Variants in HTRA1 observed in about 807,000 individuals in gnomAD.
The protein encoded by HTRA1 is serine protease HTRA1.
In HTRA1, 26 loss-of-function variants were observed where a neutral mutation model predicts 49.7. That is an observed-to-expected ratio of 0.52 (90% CI 0.38 to 0.73). The LOEUF (loss-of-function observed/expected upper bound fraction) is 0.73, where lower values mean the gene tolerates loss of function less well. HTRA1 is among the 30% of genes least tolerant of loss of function. The probability of loss-of-function intolerance (pLI) is 0.00; values close to 1 mark genes in which losing one functional copy is unlikely to be tolerated. For synonymous variants in HTRA1, 291 were observed against 286.9 expected, an observed-to-expected ratio of 1.01 and a Z score of -0.14; for missense variants, 561 against 667.2, an observed-to-expected ratio of 0.84 and a Z score of 1.75.
intron 1 of HTRA1, among the ~76,000 whole-genome samples, chr10:122,477,039 C>T (rs958214614): frequency 1.4e-5 from 2 of 146,354 alleles, no homozygotes; most frequent in African/African-American, 5.1e-5. Context: ...GCAATCTTGG[C>T]TCACTGCAAG....
chr10:122,476,964 CTTTT>C (rs36120668), intron 1 of HTRA1, among the ~76,000 whole-genome samples: 1 of 103,994 alleles, frequency 9.6e-6, no homozygotes. Flanking sequence ...TTTATAGTTA[CTTTT>C]TTTTTTTTTT....
intron 3 of HTRA1, among the ~76,000 whole-genome samples, chr10:122,505,723 T>A (rs2097502751): frequency 6.6e-6 from 1 of 152,202 alleles, no homozygotes; most frequent in Non-Finnish European, 1.5e-5. Context: ...CTGGGGTGGC[T>A]GTCTGATTTC....
intron 1 of HTRA1, among the ~76,000 whole-genome samples, chr10:122,474,828 A>G (rs2097487714): frequency 6.6e-6 from 1 of 152,248 alleles, no homozygotes; most frequent in South Asian, 2.1e-4. Flanking sequence ...AGAAAAGACT[A>G]TCAAATGTAA....
chr10:122,514,381 C>T lies in HTRA1; in HGVS notation c.*22C>T. On this transcript the variant is annotated 3_prime_UTR_variant, in exon 9 of 9. Coordinates refer to ENST00000368984, the MANE Select transcript of HTRA1 (RefSeq NM_002775.5). ...ATAGGCAGAGGCATGAGCTGGACTT[C>T]ATGTTTCCCTCAAAGACTCTCCCGT... is the stretch of plus-strand genomic sequence containing the variant. 1 of 1,612,128 alleles carries T rather than the reference C, an allele frequency of 6.2e-7. No homozygotes were observed. The highest frequency in any genetic ancestry group is 8.5e-7 in the Non-Finnish European group (1 of 1,178,280).
At position 122,490,806 on chromosome 10, in the gene HTRA1, C is replaced by A. The variant is rs2133439463; in HGVS notation, c.777+1180C>A. Among the ~76,000 whole-genome samples, 1 of 152,322 alleles carries A rather than the reference C, an allele frequency of 6.6e-6. No homozygotes were observed. On this transcript the variant is annotated intron_variant, in intron 3 of 8. Coordinates refer to ENST00000368984, the MANE Select transcript of HTRA1 (RefSeq NM_002775.5). The surrounding 1 kb of genome is among the most constrained non-coding windows in gnomAD (Gnocchi z 4.2). The stretch of plus-strand genomic sequence containing the variant: ...CGTGTGCTGTTTGGGTGGTAGGATT[C>A]CGGGTCTCCTTCTCCGTCTTTTTAT...
intron 3 of HTRA1, among the ~76,000 whole-genome samples, chr10:122,500,481 G>T (rs910946044): frequency 6.6e-6 from 1 of 152,146 alleles, no homozygotes; most frequent in African/African-American, 2.4e-5. Flanking sequence ...TGCTAAAACC[G>T]CAATCCAGAG....
At chr10:122,467,839 A>G (rs1467796268) in intron 1 of HTRA1, among the ~76,000 whole-genome samples, 1 of 152,098 alleles carries the variant, frequency 6.6e-6, no homozygotes, top group East Asian at 1.9e-4. Context: ...GCCATTCTGA[A>G]TGTGTTTCCA....
At chr10:122,511,946 A>T (rs1386393686) in intron 7 of HTRA1, 24 bp from the exon 8 acceptor site, 1 of 1,591,206 alleles carries the variant, frequency 6.3e-7, no homozygotes, top group East Asian at 2.2e-5. Context: ...TCACACTAAC[A>T]CGGGTGCTTT....
chr10:122,479,121 A>G (rs1442620676), intron 1 of HTRA1, among the ~76,000 whole-genome samples: 11 of 152,242 alleles, frequency 7.2e-5, no homozygotes, highest in Admixed American at 6.5e-4. Flanking sequence ...TCTGTTTTCC[A>G]AATTAGCTCT....
At chr10:122,486,737 G>A (rs1476223862) in intron 1 of HTRA1, among the ~76,000 whole-genome samples, 1 of 145,388 alleles carries the variant, frequency 6.9e-6, no homozygotes, top group Non-Finnish European at 1.5e-5. Flanking sequence ...TGATGAGAGA[G>A]GCGTGTGTGT....
rs781563777 is a variant in HTRA1 at position 122,488,946 on chromosome 10, G to A, written c.517G>A (p.Ala173Thr). 4 of 1,614,160 alleles carry A rather than the reference G, an allele frequency of 2.5e-6. No individual in the cohort carries two copies. The highest frequency in any genetic ancestry group is 2.2e-5 in the South Asian group (2 of 91,086). Residue 173 changes from alanine to threonine, a missense_variant, in exon 2 of 9, where the codon GCG becomes ACG. Ala to Thr is a moderately conservative substitution (Grantham distance 58). This residue lies in a region of HTRA1 where 271 missense variants were observed against 410.0 expected (regional missense o/e 0.66). Coordinates refer to ENST00000368984, the MANE Select transcript of HTRA1 (RefSeq NM_002775.5). ...TTTGCGCCATAAATATAACTTTATC[G>A]CGGACGTGGTGGAGAAGATCGCCCC... ...NSLRHKYNFI[A>T]DVVEKIAPAV...
chr10:122,478,494 G>C (rs909129680), intron 1 of HTRA1, among the ~76,000 whole-genome samples: 1 of 148,672 alleles, frequency 6.7e-6, no homozygotes, highest in South Asian at 2.1e-4. Flanking sequence ...CTGGGTTCAC[G>C]CCATTCTCCT....
intron 5 of HTRA1, among the ~76,000 whole-genome samples, chr10:122,507,806 A>G (rs942077269): frequency 2.0e-5 from 3 of 152,204 alleles, no homozygotes; most frequent in Admixed American, 2.0e-4. Context: ...CTGGGCTCAT[A>G]CACATTTTCT....
At chr10:122,509,998 C>T in intron 6 of HTRA1, 98 bp from the exon 7 acceptor site, 1 of 1,014,270 alleles carries the variant, frequency 9.9e-7, no homozygotes, top group East Asian at 2.4e-5. Flanking sequence ...TTCTGTGGCC[C>T]TTCCTGCAAC....
chr10:122,512,160 A>G, intron 8 of HTRA1, 95 bp downstream of exon 8: 6 of 917,110 alleles, frequency 6.5e-6, no homozygotes, highest in Non-Finnish European at 7.2e-6. Context: ...ACTGGCTCAG[A>G]TGATTATGTT....
At chr10:122,507,571 G>C (rs2672583) in intron 5 of HTRA1, among the ~76,000 whole-genome samples, 169 bp downstream of exon 5, 2 of 151,970 alleles carry the variant, frequency 1.3e-5, no homozygotes, top group Non-Finnish European at 1.5e-5. Context: ...AATGTACTGC[G>C]TGCTTGCAAA....
intron 2 of HTRA1, 107 bp from the exon 3 acceptor site, chr10:122,489,315 G>T: frequency 9.4e-7 from 1 of 1,067,440 alleles, no homozygotes. Flanking sequence ...ATATATAAAG[G>T]AGCGATGGCT....
chr10:122,461,624 C>T lies in HTRA1; in HGVS notation c.-29C>T, dbSNP rs2097481259. The T allele has an allele frequency of 5.5e-6, 7 of 1,275,152 alleles. No individual in the cohort carries two copies. Among genetic ancestry groups the T allele is most frequent in the African/African-American group, 1.6e-5 (1 of 61,962 alleles). 79.0% of individuals were successfully genotyped at this position (1,275,152 alleles called of 1,614,324 possible). A position where few individuals can be genotyped will look rare whatever the true frequency, so the allele number is the denominator to read the frequency against. Reference sequence around the variant, plus strand: ...CGCTCTCCGGCCCTCGCCCTGTCCGCCGCCACCGCCGCCGCCGCCAGAGTC... The same window carrying T: ...CGCTCTCCGGCCCTCGCCCTGTCCGTCGCCACCGCCGCCGCCGCCAGAGTC... On this transcript the variant is annotated 5_prime_UTR_variant, in exon 1 of 9. Coordinates refer to ENST00000368984, the MANE Select transcript of HTRA1 (RefSeq NM_002775.5).
At chr10:122,488,147 G>T (rs1591031854) in intron 1 of HTRA1, among the ~76,000 whole-genome samples, 1 of 152,292 alleles carries the variant, frequency 6.6e-6, no homozygotes, top group East Asian at 1.9e-4. Context: ...GTACCCGTCT[G>T]GTGGGCCTCT....
Sources: allele counts gnomAD v4.1 joint callset (sites outside exome capture counted in the v4.1 genomes callset), GRCh38; gene constraint gnomAD v4.1.1; regional missense constraint gnomAD v4.1.1; non-coding constraint Gnocchi (gnomAD v3.1); transcripts MANE v1.5; gene names NCBI Gene and HGNC (gene_info 2026-07-23, HGNC 2026-07-21).